GTF2F2: variants seen among roughly 807,000 people sequenced by gnomAD.
GTF2F2 encodes the protein general transcription factor IIF subunit 2.
A neutral mutation model predicts 42.2 loss-of-function variants in GTF2F2; 23 were observed. The ratio of observed to expected loss-of-function variants is 0.55; its 90% CI spans 0.39 to 0.77. GTF2F2 has a LOEUF of 0.77. GTF2F2 is among the 30% of genes least tolerant of loss of function. The probability of loss-of-function intolerance (pLI) is 0.00; values close to 1 mark genes in which losing one functional copy is unlikely to be tolerated. For missense variants in GTF2F2, 261 were observed against 287.2 expected (o/e 0.91, Z 0.66); for synonymous variants, 105 against 100.8 (o/e 1.04, Z -0.25).
chr13:45,279,920 C>G (rs551318636), intron 7 of GTF2F2, among the ~76,000 whole-genome samples: 7 of 151,360 alleles, frequency 4.6e-5, no homozygotes, highest in Non-Finnish European at 8.8e-5. Flanking sequence ...GTCCCCCCGC[C>G]CCCCCCAAAA....
chr13:45,230,273 T>C (rs778594738), intron 5 of GTF2F2, among the ~76,000 whole-genome samples: 2 of 151,884 alleles, frequency 1.3e-5, no homozygotes, highest in Non-Finnish European at 2.9e-5. Flanking sequence ...CCAGTACTAA[T>C]TGGTATGTCT....
rs185388057 is a variant in GTF2F2 at position 45,133,953 on chromosome 13, C to T, written c.67-2780C>T. ...GGTCTCTCTCTGGTCCTCCTGATTCCGCCACAAAAGTACTAAGGAGAGAGC... is the reference window on the plus strand; with the variant it reads ...GGTCTCTCTCTGGTCCTCCTGATTCTGCCACAAAAGTACTAAGGAGAGAGC... On this transcript the variant is annotated intron_variant, in intron 1 of 7. Coordinates refer to ENST00000340473, the MANE Select transcript of GTF2F2 (RefSeq NM_004128.3). 2.5e-3 allele frequency among the ~76,000 whole-genome samples: 375 copies of T among 152,236 alleles called. 2 individuals carry two copies. The highest frequency in any genetic ancestry group is 7.9e-3 in the African/African-American group (326 of 41,526).
chr13:45,126,149 G>A lies in GTF2F2; in HGVS notation c.66+5428G>A, dbSNP rs74068359. 5.3e-4 allele frequency among the ~76,000 whole-genome samples: 80 copies of A among 152,156 alleles called. 1 individual carries two copies. The highest frequency in any genetic ancestry group is 1.9e-3 in the African/African-American group (78 of 41,502). On this transcript the variant is annotated intron_variant, in intron 1 of 7. Coordinates refer to ENST00000340473, the MANE Select transcript of GTF2F2 (RefSeq NM_004128.3). ...CCACTTCAGTGCTTTTAATTTTCTG[G>A]GAGAAACAGGGCTTTAGAGGCTAGC...
intron 1 of GTF2F2, 138 bp downstream of exon 1, chr13:45,120,859 G>A: frequency 1.5e-6 from 1 of 656,604 alleles, no homozygotes; most frequent in East Asian, 2.9e-5. Flanking sequence ...TTGAGAGGCA[G>A]GAGTCATTGT....
At chr13:45,277,591 C>T (rs754092396) in intron 7 of GTF2F2, among the ~76,000 whole-genome samples, 2 of 152,188 alleles carry the variant, frequency 1.3e-5, no homozygotes, top group Non-Finnish European at 2.9e-5. Flanking sequence ...AACTATATCA[C>T]GTTTGATCAC....
chr13:45,151,592 C>T (rs1870493652), intron 3 of GTF2F2, 95 bp from the exon 4 acceptor site: 3 of 728,686 alleles, frequency 4.1e-6, no homozygotes, highest in Non-Finnish European at 6.5e-6. Flanking sequence ...GACTGGAAAA[C>T]ACATTTAAAA....
chr13:45,120,564 C>A lies in GTF2F2; in HGVS notation c.-92C>A. 1.1e-6 allele frequency: 1 copy of A among 869,870 alleles called. No individual in the cohort carries two copies. The highest frequency in any genetic ancestry group is 1.7e-5 in the African/African-American group (1 of 59,390). 53.9% of individuals were successfully genotyped at this position (869,870 alleles called of 1,614,324 possible). On this transcript the variant is annotated 5_prime_UTR_variant, in exon 1 of 8. Transcript: ENST00000340473. ...AACGCCGGCTCTTCGCCTCTCAGCG[C>A]GGCTTGTCCTTTGTTCCGGACGCCC...
chr13:45,136,756 A>G lies in GTF2F2; in HGVS notation c.90A>G (p.Gln30=), dbSNP rs753972000. 21 of 1,597,538 alleles carry G rather than the reference A, an allele frequency of 1.3e-5. No homozygotes were observed. In the South Asian group the frequency reaches 2.1e-4, roughly 16 times the overall value. Residue 30 remains glutamine (Q), a synonymous_variant, in exon 2 of 8, where the codon CAA becomes CAG. Transcript: ENST00000340473. The stretch of plus-strand genomic sequence containing the variant: ...AGGTTCCTAAATATTTGTCACAGCA[A>G]TGGGCTAAAGCCTCTGGAAGAGGTG... ...LVKVPKYLSQ[Q]WAKASGRGEV...
At chr13:45,163,873 G>A (rs1281282654) in intron 4 of GTF2F2, among the ~76,000 whole-genome samples, 2 of 152,170 alleles carry the variant, frequency 1.3e-5, no homozygotes, top group African/African-American at 4.8e-5. Context: ...TCTATTGAGG[G>A]CTGGATGTGG....
At chr13:45,272,437 A>AAAAC (rs1259085904) in intron 7 of GTF2F2, among the ~76,000 whole-genome samples, 1 of 138,696 alleles carries the variant, frequency 7.2e-6, no homozygotes, top group African/African-American at 3.0e-5. Context: ...AAAAAAAAAA[A>AAAAC]AAACAAAAAA....
intron 4 of GTF2F2, chr13:45,207,016 A>ACACG (rs1270983917): frequency 1.3e-5 from 2 of 157,658 alleles, no homozygotes; most frequent in African/African-American, 4.8e-5. Context: ...ACACACACAC[A>ACACG]CACACACACA....
intron 5 of GTF2F2, among the ~76,000 whole-genome samples, chr13:45,217,802 G>A (rs1452833404): frequency 1.3e-5 from 2 of 152,198 alleles, no homozygotes; most frequent in East Asian, 3.8e-4. Context: ...GCAAAACTAT[G>A]AAGTATGGAA....
At position 45,194,090 on chromosome 13, in the gene GTF2F2, T is replaced by C. The variant is rs1872767842; in HGVS notation, c.305-13334T>C. On this transcript the variant is annotated intron_variant, in intron 4 of 7. Coordinates refer to ENST00000340473, the MANE Select transcript of GTF2F2 (RefSeq NM_004128.3). Reference sequence around the variant, plus strand: ...ATTTTTGATATGAAATCAGGAGCATTACAGAAGATTCTTAATCCTTGTGAA... The same window carrying C: ...ATTTTTGATATGAAATCAGGAGCATCACAGAAGATTCTTAATCCTTGTGAA... 6.2e-7 allele frequency: 1 copy of C among 1,614,164 alleles called. No homozygotes were observed.
At chr13:45,262,558 G>C (rs766655717) in intron 6 of GTF2F2, among the ~76,000 whole-genome samples, 6 of 151,656 alleles carry the variant, frequency 4.0e-5, no homozygotes, top group Non-Finnish European at 5.9e-5. Context: ...CTCCCAAGGA[G>C]CTTGGACTAC....
At chr13:45,259,882 G>A (rs773593133) in intron 6 of GTF2F2, among the ~76,000 whole-genome samples, 16 of 151,840 alleles carry the variant, frequency 1.1e-4, no homozygotes, top group South Asian at 4.2e-4. Flanking sequence ...GAGCCACTGC[G>A]CCTGGCCAAA....
intron 1 of GTF2F2, among the ~76,000 whole-genome samples, chr13:45,133,533 C>A (rs768049795): frequency 2.3e-4 from 35 of 152,056 alleles, no homozygotes; most frequent in Admixed American, 1.1e-3. Flanking sequence ...TTTATAAATT[C>A]CATTCTCTGT....
At chr13:45,282,062 G>A (rs901957660) in intron 7 of GTF2F2, among the ~76,000 whole-genome samples, 21 of 152,164 alleles carry the variant, frequency 1.4e-4, no homozygotes, top group Admixed American at 4.6e-4. Flanking sequence ...TTAGCTGGGC[G>A]TGGTGGCATG....
At chr13:45,187,670 A>G (rs961353225) in intron 4 of GTF2F2, among the ~76,000 whole-genome samples, 2 of 152,256 alleles carry the variant, frequency 1.3e-5, no homozygotes, top group African/African-American at 2.4e-5. Flanking sequence ...GATTAGGACG[A>G]TAAGTCGGCT....
intron 7 of GTF2F2, 87 bp from the exon 8 acceptor site, chr13:45,283,355 C>G: frequency 3.5e-6 from 4 of 1,156,168 alleles, no homozygotes; most frequent in East Asian, 2.7e-5. Flanking sequence ...TTATGGCTTG[C>G]ATATGTGCTT....
Sources: gnomAD v4.1 joint callset for allele counts (sites outside exome capture counted in the v4.1 genomes callset) on GRCh38, gnomAD v4.1.1 for gene constraint, MANE v1.5 for transcripts, NCBI Gene and HGNC (gene_info 2026-07-23, HGNC 2026-07-21) for gene names.